Variants in CNTFR observed in about 807,000 individuals in gnomAD.
The protein encoded by CNTFR is ciliary neurotrophic factor receptor, also known as ciliary neurotrophic factor receptor subunit alpha.
CNTFR carries 12 observed loss-of-function variants against 40.4 expected under a neutral mutation model. That is an observed-to-expected ratio of 0.30 (90% CI 0.19 to 0.48). The LOEUF is 0.48. Ranked by LOEUF, CNTFR falls within the 20% of genes least tolerant of loss-of-function variation. The probability of loss-of-function intolerance (pLI) is 0.99; values close to 1 mark genes in which losing one functional copy is unlikely to be tolerated. For synonymous variants in CNTFR, 202 were observed against 209.6 expected (o/e 0.96, Z 0.31); for missense variants, 414 against 506.8 (o/e 0.82, Z 1.76).
At chr9:34,565,875 C>T (rs1587136640) in intron 3 of CNTFR, among the ~76,000 whole-genome samples, 1 of 151,650 alleles carries the variant, frequency 6.6e-6, no homozygotes, top group Non-Finnish European at 1.5e-5. Context: ...GAGACAGACA[C>T]TTCCCAGGTC....
rs548733331 is a variant in CNTFR, at chr9:34,580,593, T to C, written c.-1+502A>G. ...CTTCCGTTCCGCTCCAGTGCCTCGA[T>C]GCCTTGGATGCCCCCACCCCCAAGC... On this transcript the variant is annotated intron_variant, in intron 2 of 9. Transcript: ENST00000378980. Among the ~76,000 whole-genome samples the C allele has an allele frequency of 4.1e-3, 631 of 152,328 alleles. 2 individuals are homozygous for C. Among genetic ancestry groups the C allele is most frequent in the Non-Finnish European group, 5.5e-3 (371 of 68,026 alleles).
At chr9:34,578,409 C>T (rs1019552201) in intron 2 of CNTFR, among the ~76,000 whole-genome samples, 1 of 152,172 alleles carries the variant, frequency 6.6e-6, no homozygotes, top group African/African-American at 2.4e-5. Context: ...AGGGACCCTC[C>T]CCGCTCCGGT....
At chr9:34,579,693 G>C (rs1291546579) in intron 2 of CNTFR, among the ~76,000 whole-genome samples, 3 of 152,270 alleles carry the variant, frequency 2.0e-5, no homozygotes, top group Middle Eastern at 3.4e-3. Flanking sequence ...ACCATGGGCA[G>C]CAGGGAGAAG....
rs1436960510 is a variant in CNTFR at position 34,557,204 on chromosome 9, C to T, written c.604+322G>A. 2.0e-5 allele frequency among the ~76,000 whole-genome samples: 3 copies of T among 148,658 alleles called. No individual in the cohort carries two copies. Among genetic ancestry groups the T allele is most frequent in the East Asian group, 2.0e-4 (1 of 5,048 alleles). ...AAGCCATTAGAGTTGGGGGGGGGTG[C>T]GGTGGAGGCTGCAGCTGCACAAGGG... On this transcript the variant is annotated intron_variant, in intron 6 of 9. Transcript: ENST00000378980. This position sits in a 1 kb window ranked among gnomAD's most constrained non-coding sequence, Gnocchi z 4.2.
chr9:34,556,323 C>G lies in CNTFR; in HGVS notation c.700G>C (p.Asp234His), dbSNP rs193920748. Residue 234 changes from aspartate to histidine, a missense_variant, in exon 7 of 10, where the codon GAC becomes CAC. Asp to His is a moderately conservative substitution (Grantham distance 81). Around this residue, in one of 3 missense-constraint regions of CNTFR, gnomAD observed 83 missense variants for 145.0 expected, o/e 0.57. Coordinates refer to ENST00000378980, the MANE Select transcript of CNTFR (RefSeq NM_147164.3). ...VTWQTPSTWP[D>H]PESFPLKFFL... ...AACTTGAGAGGAAAAGACTCAGGGTCAGGCCAGGTCGAGGGGGTCTGCCAC... is the reference window on the plus strand; with the variant it reads ...AACTTGAGAGGAAAAGACTCAGGGTGAGGCCAGGTCGAGGGGGTCTGCCAC... The G allele has an allele frequency of 6.2e-7, 1 of 1,613,976 alleles. No individual in the cohort carries two copies. The highest frequency in any genetic ancestry group is 8.5e-7 in the Non-Finnish European group (1 of 1,179,988).
chr9:34,563,559 A>G (rs1163892348), intron 4 of CNTFR, among the ~76,000 whole-genome samples: 1 of 152,248 alleles, frequency 6.6e-6, no homozygotes, highest in Non-Finnish European at 1.5e-5. Flanking sequence ...TTCACCTGCC[A>G]AACAAACTAC....
chr9:34,567,172 CA>C (rs1285535941), intron 3 of CNTFR, among the ~76,000 whole-genome samples: 1 of 11,604 alleles, frequency 8.6e-5, no homozygotes, highest in Non-Finnish European at 3.1e-4. Context: ...AATCAAGCAG[CA>C]GGGGGAGGAT....
chr9:34,586,088 G>C (rs1321005956), intron 1 of CNTFR, among the ~76,000 whole-genome samples: 2 of 152,138 alleles, frequency 1.3e-5, no homozygotes, highest in East Asian at 3.9e-4. Context: ...GCTCCCATGG[G>C]GGAAGACAGC....
chr9:34,564,499 CT>C, intron 4 of CNTFR, 99 bp downstream of exon 4: 1 of 1,126,318 alleles, frequency 8.9e-7, no homozygotes, highest in Non-Finnish European at 1.3e-6. Flanking sequence ...CAGCTCTCCC[CT>C]CTCCATGTCC....
At chr9:34,577,197 C>T (rs981430304) in intron 2 of CNTFR, among the ~76,000 whole-genome samples, 4 of 152,240 alleles carry the variant, frequency 2.6e-5, no homozygotes, top group Non-Finnish European at 5.9e-5. Flanking sequence ...GCTGTGCTGG[C>T]CAGGCCCCAG....
intron 1 of CNTFR, among the ~76,000 whole-genome samples, 187 bp from the exon 2 acceptor site, chr9:34,581,392 A>C (rs549281967): frequency 1.3e-5 from 2 of 152,366 alleles, no homozygotes; most frequent in South Asian, 4.1e-4. Flanking sequence ...TGCTGACTTC[A>C]GGTTCTGAAC....
intron 4 of CNTFR, among the ~76,000 whole-genome samples, chr9:34,559,246 TGTGA>T (rs1229398215): frequency 4.6e-5 from 7 of 152,288 alleles, no homozygotes; most frequent in African/African-American, 1.2e-4. Context: ...TGCACGTGAC[TGTGA>T]GTGACTCTGT....
Position 34,552,845 on chromosome 9 carries a change from A to C in CNTFR, c.778T>G (p.Ser260Ala). ...ILDQWQHVEL[S>A]DGTAHTITDA... ...GTGATGGTGTGTGCTGTGCCGTCGG[A>C]CAGCTCCACCTGCAGCCAGACCATG... Residue 260 changes from serine (S) to alanine (A), a missense_variant, in exon 8 of 10, where the codon TCC becomes GCC. Ser to Ala is a moderately conservative substitution (Grantham distance 99). Coordinates refer to ENST00000378980, the MANE Select transcript of CNTFR (RefSeq NM_147164.3). This position sits in a 1 kb window ranked among gnomAD's most constrained non-coding sequence, Gnocchi z 5.1. 1 of 1,611,434 alleles carries C rather than the reference A, an allele frequency of 6.2e-7. No individual in the cohort carries two copies. The highest frequency in any genetic ancestry group is 8.5e-7 in the Non-Finnish European group (1 of 1,179,742).
chr9:34,564,847 G>T lies in CNTFR; in HGVS notation c.86-15C>A. 1 of 1,609,662 alleles carries T rather than the reference G, an allele frequency of 6.2e-7. No homozygotes were observed. Among genetic ancestry groups the T allele is most frequent in the African/African-American group, 1.3e-5 (1 of 74,966 alleles). On this transcript the variant is annotated splice_polypyrimidine_tract_variant and intron_variant, in intron 3 of 9. Coordinates refer to ENST00000378980, the MANE Select transcript of CNTFR (RefSeq NM_147164.3). ...ATGGGGTGCCTCTGTGGGGGGTGGG[G>T]GCACAGGGCAAAAGTCACAGGTCAC... is the stretch of plus-strand genomic sequence containing the variant.
At chr9:34,582,288 A>C (rs1053718066) in intron 1 of CNTFR, 1 of 151,846 alleles carries the variant, frequency 6.6e-6, no homozygotes, top group Non-Finnish European at 1.5e-5. Context: ...AAAAAAAAAA[A>C]AAAAAAAAAC....
At position 34,564,643 on chromosome 9, in the gene CNTFR, C is replaced by T. The variant is rs139751303; in HGVS notation, c.275G>A (p.Arg92His). The change falls in exon 4 of 10, where the codon CGT (arginine) becomes CAT (histidine). Residue 92 changes from arginine to histidine, a missense_variant. By Grantham distance (29) the Arg-to-His change is conservative. Coordinates refer to ENST00000378980, the MANE Select transcript of CNTFR (RefSeq NM_147164.3). ...GHSGLYACFH[R>H]DSWHLRHQVL... ...TTGGTGGCGCAGGTGCCAGGAGTCACGGTGGAAGCAGGCGTAGAGGCCACT... is the reference window on the plus strand; with the variant it reads ...TTGGTGGCGCAGGTGCCAGGAGTCATGGTGGAAGCAGGCGTAGAGGCCACT... 676 of 1,613,182 alleles carry T rather than the reference C, an allele frequency of 4.2e-4. 5 individuals carry two copies. In the South Asian group the frequency reaches 5.9e-3, roughly 14 times the overall value.
At chr9:34,555,682 A>G (rs1825804127) in intron 7 of CNTFR, among the ~76,000 whole-genome samples, 1 of 152,054 alleles carries the variant, frequency 6.6e-6, no homozygotes, top group South Asian at 2.1e-4. Context: ...GATGCCAGTC[A>G]GGGCCTAAAC....
At position 34,554,603 on chromosome 9, in the gene CNTFR, C is replaced by T. The variant is rs73645424; in HGVS notation, c.768+1652G>A. Among the ~76,000 whole-genome samples, 524 of 152,360 alleles carry T rather than the reference C, an allele frequency of 3.4e-3. 2 individuals carry two copies. Among genetic ancestry groups the T allele is most frequent in the Middle Eastern group, 0.01 (3 of 294 alleles). ...ATGCCAGACACGCCCTCCAGGCCAT[C>T]GCAGGAGCTGCAGGGAACCCATGCT... is the stretch of plus-strand genomic sequence containing the variant. On this transcript the variant is annotated intron_variant, in intron 7 of 9. Transcript: ENST00000378980.
At position 34,564,718 on chromosome 9, in the gene CNTFR, T is replaced by C; in HGVS notation, c.200A>G (p.Asp67Gly). 1 of 1,613,992 alleles carries C rather than the reference T, an allele frequency of 6.2e-7. No homozygotes were observed. The highest frequency in any genetic ancestry group is 1.1e-5 in the South Asian group (1 of 91,050). Residue 67 changes from aspartate (D) to glycine (G), a missense_variant, in exon 4 of 10, where the codon GAC (aspartate) becomes GGC (glycine). Physicochemically the swap from Asp to Gly is moderately conservative, Grantham distance 94 (BLOSUM62 -1). Around this residue, in one of 3 missense-constraint regions of CNTFR, gnomAD observed 250 missense variants for 269.5 expected, o/e 0.93. Transcript: ENST00000378980. ...WRVNGTDLAP[D>G]LLNGSQLVLH... ...CACCAGCTGAGAGCCGTTGAGCAGG[T>C]CAGGGGCCAGGTCTGTCCCATTTAC...
Sources: allele counts gnomAD v4.1 joint callset (sites outside exome capture counted in the v4.1 genomes callset), GRCh38; gene constraint gnomAD v4.1.1; regional missense constraint gnomAD v4.1.1; non-coding constraint Gnocchi (gnomAD v3.1); transcripts MANE v1.5; gene names NCBI Gene and HGNC (gene_info 2026-07-23, HGNC 2026-07-21).